Variants in SLC17A5 observed in about 807,000 individuals in gnomAD.
The protein encoded by SLC17A5 is solute carrier family 17 member 5, also known as sialin.
Under a neutral mutation model 59.4 loss-of-function variants are expected in SLC17A5, and 47 were observed. The ratio of observed to expected loss-of-function variants is 0.79; its 90% CI spans 0.63 to 1.01. The LOEUF is 1.01. SLC17A5 is among the 50% of genes least tolerant of loss of function. The probability of loss-of-function intolerance (pLI) is 0.00; values close to 1 mark genes in which losing one functional copy is unlikely to be tolerated. For missense variants in SLC17A5, 522 were observed against 595.5 expected, an observed-to-expected ratio of 0.88 and a Z score of 1.28; for synonymous variants, 202 against 210.7, an observed-to-expected ratio of 0.96 and a Z score of 0.36.
chr6:73,647,930 G>A (rs190837489), intron 1 of SLC17A5, among the ~76,000 whole-genome samples: 30 of 152,236 alleles, frequency 2.0e-4, no homozygotes, highest in African/African-American at 6.3e-4. Flanking sequence ...TTAGCCGGGC[G>A]TGGTGGCAGG....
intron 9 of SLC17A5, among the ~76,000 whole-genome samples, chr6:73,605,661 A>ACACACC (rs1330253776): frequency 6.6e-6 from 1 of 150,708 alleles, no homozygotes; most frequent in Non-Finnish European, 1.5e-5. Context: ...ACACACACAC[A>ACACACC]CACACACTAA....
chr6:73,650,194 C>T (rs9360694), intron 1 of SLC17A5, among the ~76,000 whole-genome samples: 2 of 42,366 alleles, frequency 4.7e-5, no homozygotes, highest in Non-Finnish European at 8.4e-5. Flanking sequence ...GACCTTTTTT[C>T]TACAAAAAAA....
In SLC17A5 at chr6:73,653,958, CG is replaced by C; in HGVS notation, c.-73del. On this transcript the variant is annotated 5_prime_UTR_variant, in exon 1 of 11. Coordinates refer to ENST00000355773, the MANE Select transcript of SLC17A5 (RefSeq NM_012434.5). ...CGCCGGCCCGACAGCCCGAAGCCCC[CG>C]GGCCGAGCTGGCTGGACCGGGCGGG... 3 of 1,330,230 alleles carry C rather than the reference CG, an allele frequency of 2.3e-6. No individual in the cohort carries two copies. The highest frequency in any genetic ancestry group is 1.3e-5 in the South Asian group (1 of 79,744). The allele number at this position is 1,330,230 out of a possible 1,614,324, so 82.4% of individuals were successfully genotyped here.
chr6:73,619,186 C>G (rs1768019093), intron 7 of SLC17A5, among the ~76,000 whole-genome samples: 1 of 152,016 alleles, frequency 6.6e-6, no homozygotes. Flanking sequence ...ATTATGGTGC[C>G]CCCCAACAAT....
chr6:73,603,967 TA>T (rs1318373585), intron 9 of SLC17A5, among the ~76,000 whole-genome samples: 1 of 151,852 alleles, frequency 6.6e-6, no homozygotes, highest in East Asian at 1.9e-4. Flanking sequence ...GGAGTTCAGT[TA>T]AAAAAAGTGC....
At chr6:73,625,651 CAAGT>C (rs1182252979) in intron 6 of SLC17A5, among the ~76,000 whole-genome samples, 1 of 147,610 alleles carries the variant, frequency 6.8e-6, no homozygotes, top group Non-Finnish European at 1.5e-5. Flanking sequence ...AAAACAAAAA[CAAGT>C]AAGGCAAAAA....
At chr6:73,601,521 C>A in intron 9 of SLC17A5, among the ~76,000 whole-genome samples, 1 of 116,938 alleles carries the variant, frequency 8.6e-6, no homozygotes, top group Non-Finnish European at 1.8e-5. Context: ...GGGGGGTCAG[C>A]CCCCCGCCCG....
intron 9 of SLC17A5, among the ~76,000 whole-genome samples, chr6:73,606,338 G>A (rs1034876146): frequency 6.6e-6 from 1 of 152,018 alleles, no homozygotes; most frequent in Non-Finnish European, 1.5e-5. Context: ...CCACCTCACC[G>A]GGCCTACTTA....
intron 10 of SLC17A5, among the ~76,000 whole-genome samples, chr6:73,597,330 G>C (rs1387812975): frequency 2.0e-5 from 3 of 151,658 alleles, no homozygotes; most frequent in African/African-American, 7.3e-5. Context: ...AGCCAGGCGT[G>C]GTGGTGGGCA....
At chr6:73,653,483 C>A (rs572374117) in intron 1 of SLC17A5, 1 of 985,088 alleles carries the variant, frequency 1.0e-6, no homozygotes, top group East Asian at 1.1e-4. Flanking sequence ...AGCTCAGCGC[C>A]GGCTGCACCG....
chr6:73,614,441 T>C (rs1767765367), intron 8 of SLC17A5, among the ~76,000 whole-genome samples: 1 of 152,172 alleles, frequency 6.6e-6, no homozygotes, highest in Non-Finnish European at 1.5e-5. Flanking sequence ...AAATATATAT[T>C]TGGTCTCTGC....
chr6:73,645,456 A>G, intron 1 of SLC17A5: 1 of 985,356 alleles, frequency 1.0e-6, no homozygotes, highest in Non-Finnish European at 1.2e-6. Flanking sequence ...AAGGGCTCAC[A>G]GTAAAAAGGG....
intron 9 of SLC17A5, among the ~76,000 whole-genome samples, chr6:73,608,320 A>G (rs761617701): frequency 6.6e-6 from 1 of 152,134 alleles, no homozygotes; most frequent in Non-Finnish European, 1.5e-5. Context: ...GAAGCCCAGG[A>G]CTTATTTCCA....
chr6:73,643,370 C>T (rs1769378790), intron 2 of SLC17A5, among the ~76,000 whole-genome samples: 1 of 151,970 alleles, frequency 6.6e-6, no homozygotes, highest in Non-Finnish European at 1.5e-5. Flanking sequence ...CCATGTTAGC[C>T]AGGATGGTCT....
chr6:73,606,092 G>GCTC (rs1408523343), intron 9 of SLC17A5, among the ~76,000 whole-genome samples: 2 of 151,560 alleles, frequency 1.3e-5, no homozygotes, highest in Non-Finnish European at 2.9e-5. Context: ...GCCCAGGCTG[G>GCTC]AGTGCAGTAG....
At chr6:73,629,545 G>T (rs12177538) in intron 6 of SLC17A5, among the ~76,000 whole-genome samples, 24,831 of 152,090 alleles carry the variant, frequency 0.16, 3,133 homozygotes, top group African/African-American at 0.35. Flanking sequence ...GGCCGAAGCT[G>T]GTAGATCACC....
At chr6:73,620,439 G>T (rs1378016972) in intron 7 of SLC17A5, among the ~76,000 whole-genome samples, 1 of 152,114 alleles carries the variant, frequency 6.6e-6, no homozygotes, top group Non-Finnish European at 1.5e-5. Context: ...AAATAAGATT[G>T]CTCACAATGA....
chr6:73,616,359 C>T (rs1038779512), intron 7 of SLC17A5, among the ~76,000 whole-genome samples: 1 of 152,070 alleles, frequency 6.6e-6, no homozygotes, highest in Non-Finnish European at 1.5e-5. Context: ...GTTACATCAC[C>T]CAAATGTACA....
intron 9 of SLC17A5, among the ~76,000 whole-genome samples, chr6:73,603,561 C>G (rs1767258098): frequency 6.6e-6 from 1 of 151,800 alleles, no homozygotes; most frequent in Non-Finnish European, 1.5e-5. Flanking sequence ...GCTGGGATTA[C>G]AGGCATGCAC....
Sources: allele counts gnomAD v4.1 joint callset (sites outside exome capture counted in the v4.1 genomes callset), GRCh38; gene constraint gnomAD v4.1.1; transcripts MANE v1.5; gene names NCBI Gene and HGNC (gene_info 2026-07-23, HGNC 2026-07-21).